Variants in SLCO1B3 observed in about 807,000 individuals in gnomAD.
The protein encoded by SLCO1B3 is solute carrier organic anion transporter family member 1B3.
In SLCO1B3, 72 loss-of-function variants were observed where a neutral mutation model predicts 71.8. The ratio of observed to expected loss-of-function variants is 1.00; its 90% CI spans 0.83 to 1.22. SLCO1B3 has a LOEUF of 1.22. Among genes scored for constraint, SLCO1B3 ranks in the 50% most tolerant of loss-of-function variants. SLCO1B3 has a pLI of 0.00. For missense variants in SLCO1B3, 911 were observed against 819.7 expected (o/e 1.11, Z -1.36); for synonymous variants, 298 against 278.4 (o/e 1.07, Z -0.70).
intron 3 of SLCO1B3, among the ~76,000 whole-genome samples, chr12:20,853,660 T>A (rs192697118): frequency 6.6e-6 from 1 of 152,016 alleles, no homozygotes; most frequent in African/African-American, 2.4e-5. Context: ...TTTGTTGATA[T>A]ATTCAAAAGA....
rs141703938 is a variant in SLCO1B3, at chr12:20,862,517, T to C, written c.587T>C (p.Ile196Thr). The C allele has an allele frequency of 9.9e-6, 16 of 1,611,626 alleles. No individual in the cohort carries two copies. The African/African-American group carries it at 1.3e-4, about 13-fold the overall frequency. ...ATAGTACCATTGGGGATTTCATACA[T>C]TGATGATTTTGCAAAAGAAGGACAT... ...TPIVPLGISY[I>T]DDFAKEGHSS... The change falls in exon 7 of 16, where the codon ATT becomes ACT. Residue 196 changes from isoleucine to threonine, a missense_variant. Coordinates refer to ENST00000381545, the MANE Select transcript of SLCO1B3 (RefSeq NM_019844.4).
chr12:20,854,535 G>T (rs1350945432), intron 3 of SLCO1B3, among the ~76,000 whole-genome samples: 4 of 152,064 alleles, frequency 2.6e-5, no homozygotes, highest in African/African-American at 7.2e-5. Context: ...TTAGGTTCCT[G>T]TTTGCATCGG....
At chr12:20,883,315 G>A in intron 12 of SLCO1B3, 103 bp from the exon 13 acceptor site, 2 of 633,902 alleles carry the variant, frequency 3.2e-6, no homozygotes, top group South Asian at 4.2e-5. Context: ...TTTTTAAACT[G>A]TAAATATTTT....
At chr12:20,860,599 T>TGTGTGTGTGTGTGTGTGTG (rs1555156228) in intron 5 of SLCO1B3, among the ~76,000 whole-genome samples, 99 of 146,726 alleles carry the variant, frequency 6.7e-4, no homozygotes, top group African/African-American at 2.4e-3. Context: ...GTCAAGCACT[T>TGTGTGTGTGTGTGTGTGTG]TGTGTGTGTG....
rs186617145 is a variant in SLCO1B3 at position 20,876,829 on chromosome 12, A to G, written c.971-943A>G. On this transcript the variant is annotated intron_variant, in intron 9 of 15. Transcript: ENST00000381545. ...TTCTACTTTAATCAAATCCATAACA[A>G]TTGATGAATTTTTTTTTTTGAGACA... 3.3e-3 allele frequency among the ~76,000 whole-genome samples: 499 copies of G among 152,102 alleles called. 4 individuals carry two copies. Among genetic ancestry groups the G allele is most frequent in the African/African-American group, 0.012 (484 of 41,496 alleles).
intron 15 of SLCO1B3, among the ~76,000 whole-genome samples, chr12:20,912,460 C>CG (rs1000969204): frequency 3.4e-4 from 51 of 148,656 alleles, no homozygotes; most frequent in African/African-American, 1.2e-3. Flanking sequence ...TTCTGAGTAG[C>CG]GGGGATTACA....
intron 3 of SLCO1B3, among the ~76,000 whole-genome samples, chr12:20,827,506 T>C (rs1379168447): frequency 1.3e-5 from 2 of 152,218 alleles, no homozygotes; most frequent in Non-Finnish European, 2.9e-5. Context: ...AAGATAAAAG[T>C]AGATCTTAAA....
intron 3 of SLCO1B3, among the ~76,000 whole-genome samples, chr12:20,853,205 A>T (rs926310344): frequency 6.6e-6 from 1 of 151,988 alleles, no homozygotes; most frequent in African/African-American, 2.4e-5. Context: ...TTCACCAGGA[A>T]TATTTTTCTG....
intron 3 of SLCO1B3, among the ~76,000 whole-genome samples, chr12:20,842,401 T>C (rs77460041): frequency 0.019 from 2,886 of 152,312 alleles, 93 homozygotes; most frequent in African/African-American, 0.066. Context: ...CATTGTTTTA[T>C]AATCATTGTA....
chr12:20,860,928 A>C, intron 5 of SLCO1B3, 89 bp from the exon 6 acceptor site: 1 of 1,324,552 alleles, frequency 7.5e-7, no homozygotes. Context: ...CAGCGGTTCA[A>C]ATAAAGGAGA....
chr12:20,860,761 A>G (rs1353000622), intron 5 of SLCO1B3, among the ~76,000 whole-genome samples: 1 of 152,138 alleles, frequency 6.6e-6, no homozygotes, highest in African/African-American at 2.4e-5. Flanking sequence ...CCAGATTATA[A>G]GCACTCTTAG....
chr12:20,893,891 C>A (rs931622355), intron 13 of SLCO1B3, among the ~76,000 whole-genome samples: 16 of 152,024 alleles, frequency 1.1e-4, no homozygotes, highest in African/African-American at 3.1e-4. Flanking sequence ...TGAAAAGGCC[C>A]AAAGGAGGGT....
At chr12:20,881,072 T>G (rs1391627920) in intron 12 of SLCO1B3, 52 bp downstream of exon 12, 5 of 1,330,474 alleles carry the variant, frequency 3.8e-6, no homozygotes, top group Non-Finnish European at 4.2e-6. Context: ...ATCACAGATT[T>G]GATTTAATAA....
chr12:20,897,556 G>A (rs1471962590), intron 13 of SLCO1B3, among the ~76,000 whole-genome samples: 3 of 152,148 alleles, frequency 2.0e-5, no homozygotes, highest in Non-Finnish European at 4.4e-5. Flanking sequence ...TTACTTTCAA[G>A]AATATTAACT....
chr12:20,888,269 CTG>C (rs1428463212), intron 13 of SLCO1B3, among the ~76,000 whole-genome samples: 1 of 151,764 alleles, frequency 6.6e-6, no homozygotes, highest in Non-Finnish European at 1.5e-5. Flanking sequence ...TGTGTTGAAT[CTG>C]TAGATTGTTT....
At chr12:20,907,140 T>A (rs954493148) in intron 15 of SLCO1B3, among the ~76,000 whole-genome samples, 2 of 152,192 alleles carry the variant, frequency 1.3e-5, no homozygotes, top group Non-Finnish European at 1.5e-5. Flanking sequence ...CGGAATATGC[T>A]ATTATTTATG....
chr12:20,854,900 A>G, intron 3 of SLCO1B3, 128 bp from the exon 4 acceptor site: 1 of 838,510 alleles, frequency 1.2e-6, no homozygotes, highest in South Asian at 1.7e-5. Flanking sequence ...TTGTATAGGG[A>G]AAAATGGGTA....
chr12:20,850,304 G>A (rs1864999836), intron 3 of SLCO1B3, among the ~76,000 whole-genome samples: 1 of 131,076 alleles, frequency 7.6e-6, no homozygotes, highest in South Asian at 2.3e-4. Flanking sequence ...TTTTGAGACA[G>A]AGTCTCGCTC....
intron 4 of SLCO1B3, 28 bp downstream of exon 4, chr12:20,855,197 C>A (rs775961810): frequency 1.9e-6 from 3 of 1,572,514 alleles, no homozygotes; most frequent in Non-Finnish European, 2.6e-6. Flanking sequence ...TATTTGATAA[C>A]CATACTTGCA....
Sources: allele counts gnomAD v4.1 joint callset (sites outside exome capture counted in the v4.1 genomes callset), GRCh38; gene constraint gnomAD v4.1.1; transcripts MANE v1.5; gene names NCBI Gene and HGNC (gene_info 2026-07-23, HGNC 2026-07-21).